MAGI2: variants seen among roughly 807,000 people sequenced by gnomAD.
The protein encoded by MAGI2 is membrane-associated guanylate kinase, WW and PDZ domain-containing protein 2.
A neutral mutation model predicts 133.3 loss-of-function variants in MAGI2; 35 were observed. That is an observed-to-expected ratio of 0.26 (90% CI 0.20 to 0.35). MAGI2 has a LOEUF of 0.35. Ranked by LOEUF, MAGI2 falls within the 10% of genes least tolerant of loss-of-function variation. The pLI, the probability that MAGI2 is intolerant of heterozygous loss-of-function variation, is 1.00. For missense variants in MAGI2, 1,636 were observed against 1,863.4 expected, an observed-to-expected ratio of 0.88 and a Z score of 2.25; for synonymous variants, 729 against 710.6, an observed-to-expected ratio of 1.03 and a Z score of -0.41.
At chr7:78,169,214 C>T (rs1036270633) in intron 14 of MAGI2, among the ~76,000 whole-genome samples, 2 of 152,168 alleles carry the variant, frequency 1.3e-5, no homozygotes, top group Non-Finnish European at 2.9e-5. Context: ...AATAGTATTA[C>T]ATATTTTAAT....
intron 1 of MAGI2, among the ~76,000 whole-genome samples, chr7:79,223,843 G>A (rs781019967): frequency 1.3e-5 from 2 of 151,960 alleles, no homozygotes; most frequent in Admixed American, 6.6e-5. Context: ...CCTTCACAGG[G>A]CTGTTGGTAT....
At chr7:78,967,322 T>TA (rs1803403309) in intron 2 of MAGI2, among the ~76,000 whole-genome samples, 1 of 152,074 alleles carries the variant, frequency 6.6e-6, no homozygotes, top group Non-Finnish European at 1.5e-5. Context: ...TATTGAGTTG[T>TA]AGGAGTTCTT....
intron 2 of MAGI2, among the ~76,000 whole-genome samples, chr7:78,790,178 GTATAA>G (rs1199545130): frequency 7.2e-5 from 11 of 151,942 alleles, no homozygotes; most frequent in Non-Finnish European, 1.5e-4. Context: ...TTGCTAGGTG[GTATAA>G]TATAAAATAT....
At chr7:78,215,713 T>C (rs1248109838) in intron 10 of MAGI2, among the ~76,000 whole-genome samples, 3 of 152,148 alleles carry the variant, frequency 2.0e-5, no homozygotes. Flanking sequence ...GCCATGGGAA[T>C]GGAGGAAAAG....
intron 21 of MAGI2, among the ~76,000 whole-genome samples, chr7:78,070,480 ATG>A (rs547754750): frequency 1.6e-3 from 228 of 144,674 alleles, no homozygotes; most frequent in Admixed American, 4.1e-3. Context: ...GTGTATATAT[ATG>A]TGTGTGTATA....
At chr7:79,224,297 C>T (rs188862073) in intron 1 of MAGI2, among the ~76,000 whole-genome samples, 31 of 152,106 alleles carry the variant, frequency 2.0e-4, no homozygotes, top group Non-Finnish European at 4.3e-4. Context: ...CTGGAGAATA[C>T]AATCTGGGTT....
chr7:78,093,519 A>G (rs1817434543), intron 20 of MAGI2, among the ~76,000 whole-genome samples: 1 of 152,212 alleles, frequency 6.6e-6, no homozygotes, highest in Non-Finnish European at 1.5e-5. Flanking sequence ...CATATGTAGA[A>G]TATTTGGTGG....
chr7:78,864,348 G>A (rs1000670756), intron 2 of MAGI2, among the ~76,000 whole-genome samples: 1 of 152,140 alleles, frequency 6.6e-6, no homozygotes, highest in Non-Finnish European at 1.5e-5. Context: ...GCATTGATGA[G>A]AAATCATGTT....
At chr7:79,104,540 G>A (rs1023861502) in intron 1 of MAGI2, among the ~76,000 whole-genome samples, 6 of 152,010 alleles carry the variant, frequency 3.9e-5, no homozygotes, top group South Asian at 2.1e-4. Flanking sequence ...GGTGGGACGC[G>A]CCTGTAGTCC....
intron 21 of MAGI2, among the ~76,000 whole-genome samples, chr7:78,058,772 T>C (rs1812924586): frequency 6.6e-6 from 1 of 152,168 alleles, no homozygotes; most frequent in Non-Finnish European, 1.5e-5. Flanking sequence ...ATCTTATAAC[T>C]GAACCCTATT....
chr7:78,632,870 C>A (rs1247069904), intron 2 of MAGI2, among the ~76,000 whole-genome samples: 1 of 152,192 alleles, frequency 6.6e-6, no homozygotes, highest in Non-Finnish European at 1.5e-5. Flanking sequence ...AACTACCATT[C>A]AACCCAGCAA....
At chr7:78,687,214 C>T (rs1367299082) in intron 2 of MAGI2, among the ~76,000 whole-genome samples, 5 of 152,096 alleles carry the variant, frequency 3.3e-5, no homozygotes, top group Admixed American at 6.5e-5. Flanking sequence ...CCCAGCTGAC[C>T]CAAAGCTTTT....
At chr7:78,151,260 T>C (rs916623226) in intron 16 of MAGI2, among the ~76,000 whole-genome samples, 2 of 152,220 alleles carry the variant, frequency 1.3e-5, no homozygotes, top group Non-Finnish European at 1.5e-5. Flanking sequence ...AGTAATGTGA[T>C]ACAGAAGTTG....
At chr7:78,183,656 C>T (rs1244638159) in intron 13 of MAGI2, among the ~76,000 whole-genome samples, 2 of 152,074 alleles carry the variant, frequency 1.3e-5, no homozygotes, top group Admixed American at 1.3e-4. Context: ...CCTCACATTC[C>T]TGGGTTCAAG....
chr7:78,817,298 A>G (rs1789672579), intron 2 of MAGI2, among the ~76,000 whole-genome samples: 1 of 152,226 alleles, frequency 6.6e-6, no homozygotes, highest in Non-Finnish European at 1.5e-5. Flanking sequence ...TGTCAACATT[A>G]TTTATATGAC....
chr7:79,389,299 G>A (rs555877792), intron 1 of MAGI2, among the ~76,000 whole-genome samples: 31 of 152,098 alleles, frequency 2.0e-4, no homozygotes, highest in Non-Finnish European at 3.4e-4. Flanking sequence ...AATTACGTAC[G>A]ATGATAAGTA....
At chr7:79,120,337 G>A (rs1409700640) in intron 1 of MAGI2, among the ~76,000 whole-genome samples, 1 of 151,986 alleles carries the variant, frequency 6.6e-6, no homozygotes, top group Non-Finnish European at 1.5e-5. Context: ...GGGTTCATTG[G>A]GAATTTGCAA....
At chr7:78,875,993 G>A (rs542463117) in intron 2 of MAGI2, among the ~76,000 whole-genome samples, 61 of 152,248 alleles carry the variant, frequency 4.0e-4, no homozygotes, top group Non-Finnish European at 6.3e-4. Context: ...TAAGAACAGA[G>A]AGAAACATGA....
chr7:78,066,368 A>G (rs1813822055), intron 21 of MAGI2, among the ~76,000 whole-genome samples: 1 of 152,052 alleles, frequency 6.6e-6, no homozygotes, highest in South Asian at 2.1e-4. Context: ...AGGTTGAGGC[A>G]AGAGAATCAC....
Sources: gnomAD v4.1 joint callset for allele counts (sites outside exome capture counted in the v4.1 genomes callset) on GRCh38, gnomAD v4.1.1 for gene constraint, MANE v1.5 for transcripts, NCBI Gene and HGNC (gene_info 2026-07-23, HGNC 2026-07-21) for gene names.